GHR: variants seen among roughly 807,000 people sequenced by gnomAD.
The protein encoded by GHR is growth hormone receptor, also known as GH receptor.
In GHR, 35 loss-of-function variants were observed where a neutral mutation model predicts 67.1. That is an observed-to-expected ratio of 0.52 (90% confidence interval 0.40 to 0.69). The LOEUF (loss-of-function observed/expected upper bound fraction) is 0.69, where lower values mean the gene tolerates loss of function less well. Among genes scored for constraint, GHR ranks in the 30% least tolerant of loss-of-function variants. The pLI is 0.00. For missense variants in GHR, 792 were observed against 764.6 expected, an observed-to-expected ratio of 1.04 and a Z score of -0.42; for synonymous variants, 272 against 269.1, an observed-to-expected ratio of 1.01 and a Z score of -0.10.
At chr5:42,587,663 G>T (rs528898993) in intron 2 of GHR, among the ~76,000 whole-genome samples, 47 of 150,926 alleles carry the variant, frequency 3.1e-4, no homozygotes, top group South Asian at 1.3e-3. Flanking sequence ...AAGATTTGGG[G>T]TTTTTTTTGT....
intron 1 of GHR, among the ~76,000 whole-genome samples, chr5:42,557,476 A>C (rs1478908856): frequency 6.6e-6 from 1 of 152,232 alleles, no homozygotes; most frequent in African/African-American, 2.4e-5. Flanking sequence ...GACTTCAGTA[A>C]GTGTAATAAC....
At chr5:42,539,879 A>C (rs556073911) in intron 1 of GHR, among the ~76,000 whole-genome samples, 1 of 152,286 alleles carries the variant, frequency 6.6e-6, no homozygotes, top group African/African-American at 2.4e-5. Flanking sequence ...AATAGTGAGA[A>C]TGCTTCAAAA....
chr5:42,679,116 A>G (rs1217056071), intron 3 of GHR, among the ~76,000 whole-genome samples: 1 of 144,270 alleles, frequency 6.9e-6, no homozygotes, highest in Admixed American at 7.1e-5. Context: ...TATTATTATA[A>G]TATATTATAT....
At chr5:42,465,373 A>C (rs1561319105) in intron 1 of GHR, 1 of 1,000,758 alleles carries the variant, frequency 1.0e-6, no homozygotes, top group Non-Finnish European at 1.6e-6. Context: ...AGTTAGGTTA[A>C]GGGTATAAAG....
In GHR at chr5:42,424,500, C is replaced by A; in HGVS notation, c.-12+545C>A. 2 of 1,141,104 alleles carry A rather than the reference C, an allele frequency of 1.8e-6. No homozygotes were observed. Among genetic ancestry groups the A allele is most frequent in the Non-Finnish European group, 2.5e-6 (2 of 788,424 alleles). The allele number at this position is 1,141,104 out of a possible 1,614,324, so 70.7% of individuals were successfully genotyped here. On this transcript the variant is annotated intron_variant, in intron 1 of 9. Transcript: ENST00000230882. This position sits in a 1 kb window ranked among gnomAD's most constrained non-coding sequence, Gnocchi z 4.1. ...GTGCGCGTGGACACAGCGCGCAGAGCGCGCGGTCTTTTGCGCGTTTGTGCG... is the reference window on the plus strand; with the variant it reads ...GTGCGCGTGGACACAGCGCGCAGAGAGCGCGGTCTTTTGCGCGTTTGTGCG...
intron 2 of GHR, among the ~76,000 whole-genome samples, chr5:42,602,401 T>C (rs1752423227): frequency 6.6e-6 from 1 of 152,194 alleles, no homozygotes; most frequent in Admixed American, 6.5e-5. Context: ...TGTATGTATG[T>C]ACTCAGATCT....
Position 42,699,898 on chromosome 5 carries a change from C to T in GHR, c.514C>T (p.Gln172Ter). The T allele has an allele frequency of 6.2e-7, 1 of 1,603,342 alleles. No individual in the cohort carries two copies. Among genetic ancestry groups the T allele is most frequent in the Non-Finnish European group, 8.5e-7 (1 of 1,170,238 alleles). Residue 172 changes from glutamine (Q) to a stop codon, truncating the protein, a stop_gained, in exon 6 of 10, where the codon CAA becomes TAA. Coordinates refer to ENST00000230882, the MANE Select transcript of GHR (RefSeq NM_000163.5). LOFTEE classifies it high-confidence loss of function. The part of the protein sequence containing the change: ...VSLTGIHADI[Q>*]VRWEAPRNAD... ...TTTAACTGGGATTCATGCAGATATC[C>T]AAGTGAGATGGGAAGCACCACGCAA...
At chr5:42,648,396 T>C (rs1754850716) in intron 3 of GHR, among the ~76,000 whole-genome samples, 1 of 152,160 alleles carries the variant, frequency 6.6e-6, no homozygotes, top group Non-Finnish European at 1.5e-5. Flanking sequence ...TGGCCAGTAG[T>C]ACAAAGAGCA....
At chr5:42,605,559 G>A (rs373997298) in intron 2 of GHR, among the ~76,000 whole-genome samples, 4 of 152,240 alleles carry the variant, frequency 2.6e-5, no homozygotes, top group African/African-American at 9.6e-5. Context: ...TAGATGAGTG[G>A]TCCATCTTCC....
At chr5:42,634,930 G>A (rs1754103012) in intron 3 of GHR, among the ~76,000 whole-genome samples, 1 of 151,678 alleles carries the variant, frequency 6.6e-6, no homozygotes, top group African/African-American at 2.4e-5. Flanking sequence ...ACTAAATTAA[G>A]TATAACATAA....
intron 2 of GHR, among the ~76,000 whole-genome samples, chr5:42,587,959 C>T (rs1404091347): frequency 6.6e-6 from 1 of 152,184 alleles, no homozygotes; most frequent in African/African-American, 2.4e-5. Context: ...GGCCAAGCTT[C>T]TGATAAGTGA....
intron 1 of GHR, among the ~76,000 whole-genome samples, chr5:42,520,662 C>A (rs1324614950): frequency 6.6e-6 from 1 of 152,104 alleles, no homozygotes; most frequent in Non-Finnish European, 1.5e-5. Context: ...CTGTTTTCTT[C>A]TTTTGCCCCA....
At chr5:42,461,748 C>T (rs1046543344) in intron 1 of GHR, among the ~76,000 whole-genome samples, 1 of 152,138 alleles carries the variant, frequency 6.6e-6, no homozygotes, top group Non-Finnish European at 1.5e-5. Context: ...CAGAATGTCT[C>T]TTAGTATTTA....
intron 1 of GHR, among the ~76,000 whole-genome samples, chr5:42,474,192 AAGAG>A (rs946023949): frequency 1.3e-5 from 2 of 150,962 alleles, no homozygotes; most frequent in East Asian, 1.9e-4. Context: ...CAGTCTCTGA[AAGAG>A]AGAGAGAGAT....
intron 1 of GHR, among the ~76,000 whole-genome samples, chr5:42,434,054 C>A (rs1180757693): frequency 6.6e-6 from 1 of 152,090 alleles, no homozygotes; most frequent in Non-Finnish European, 1.5e-5. Context: ...TAAATTCAGT[C>A]TGAAAACTTC....
In GHR at chr5:42,565,441, TTA is replaced by T. The variant is rs1162004042; in HGVS notation, c.-11-421_-11-420del. The T allele has an allele frequency of 2.3e-5, 23 of 984,072 alleles. No individual in the cohort carries two copies. In the Admixed American group the frequency reaches 1.2e-3, roughly 53 times the overall value. 61.0% of individuals were successfully genotyped at this position (984,072 alleles called of 1,614,324 possible). A position where few individuals can be genotyped will look rare whatever the true frequency, so the allele number is the denominator to read the frequency against. On this transcript the variant is annotated intron_variant, in intron 1 of 9. Coordinates refer to ENST00000230882, the MANE Select transcript of GHR (RefSeq NM_000163.5). ...TGAAATGTTACTATTACCATGATTGTTATGTTTTTCCTTTTATGGCCTGTCCA... is the reference window on the plus strand; with the variant it reads ...TGAAATGTTACTATTACCATGATTGTTGTTTTTCCTTTTATGGCCTGTCCA...
chr5:42,646,431 C>G (rs142383765), intron 3 of GHR: 1 of 399,020 alleles, frequency 2.5e-6, no homozygotes, highest in Admixed American at 3.2e-5. Context: ...GTGTACATCA[C>G]CCATAATAAA....
intron 3 of GHR, among the ~76,000 whole-genome samples, chr5:42,660,397 C>A (rs1264818940): frequency 6.6e-6 from 1 of 152,190 alleles, no homozygotes. Context: ...CGGCCAGGTA[C>A]TCCTCTGAGA....
At chr5:42,603,816 A>C (rs56252470) in intron 2 of GHR, among the ~76,000 whole-genome samples, 6,275 of 152,234 alleles carry the variant, frequency 0.041, 175 homozygotes, top group Non-Finnish European at 0.061. Context: ...ATTCAATTCC[A>C]ACACTTCTAC....
Sources: gnomAD v4.1 joint callset for allele counts (sites outside exome capture counted in the v4.1 genomes callset) on GRCh38, gnomAD v4.1.1 for gene constraint, Gnocchi (gnomAD v3.1) non-coding constraint, MANE v1.5 for transcripts, NCBI Gene and HGNC (gene_info 2026-07-23, HGNC 2026-07-21) for gene names.